The following SORCS2 variants were observed in gnomAD, a reference collection of about 807,000 sequenced individuals.
SORCS2 encodes VPS10 domain-containing receptor SorCS2.
SORCS2 carries 100 observed loss-of-function variants against 141.6 expected under a neutral mutation model. The ratio of observed to expected loss-of-function variants is 0.71; its 90% CI spans 0.60 to 0.83. SORCS2 has a LOEUF of 0.83. Ranked by LOEUF, SORCS2 falls within the 40% of genes least tolerant of loss-of-function variation. The probability of loss-of-function intolerance (pLI) is 0.00; values close to 1 mark genes in which losing one functional copy is unlikely to be tolerated. For synonymous variants in SORCS2, 789 were observed against 676.9 expected, an observed-to-expected ratio of 1.17 and a Z score of -2.57; for missense variants, 1,646 against 1,560.2, an observed-to-expected ratio of 1.05 and a Z score of -0.93.
intron 3 of SORCS2, among the ~76,000 whole-genome samples, chr4:7,587,226 A>G (rs1166057012): frequency 6.6e-6 from 1 of 152,020 alleles, no homozygotes; most frequent in African/African-American, 2.4e-5. Flanking sequence ...TAGAAGAGGA[A>G]GAGAGTTGAG....
intron 1 of SORCS2, among the ~76,000 whole-genome samples, chr4:7,252,012 G>A (rs1713537559): frequency 6.6e-6 from 1 of 152,166 alleles, no homozygotes; most frequent in Admixed American, 6.5e-5. Context: ...TCCTCTAAAC[G>A]TATGGTGCCA....
intron 1 of SORCS2, among the ~76,000 whole-genome samples, chr4:7,343,120 AG>A (rs960723784): frequency 1.2e-3 from 179 of 152,360 alleles, no homozygotes; most frequent in African/African-American, 4.1e-3. Context: ...GCACGGCAAC[AG>A]GAGCATTAGG....
At chr4:7,626,555 A>G (rs925903571) in intron 3 of SORCS2, among the ~76,000 whole-genome samples, 8 of 152,226 alleles carry the variant, frequency 5.3e-5, no homozygotes, top group Admixed American at 3.9e-4. Context: ...ATTCCTACAT[A>G]TGTACATCTC....
chr4:7,736,830 G>A (rs537071729), intron 25 of SORCS2, among the ~76,000 whole-genome samples: 3 of 152,306 alleles, frequency 2.0e-5, no homozygotes, highest in Admixed American at 6.5e-5. Flanking sequence ...CACCCAATGT[G>A]TCAGGGCAGA....
At chr4:7,700,737 G>A (rs1486053385) in intron 12 of SORCS2, among the ~76,000 whole-genome samples, 2 of 152,316 alleles carry the variant, frequency 1.3e-5, no homozygotes, top group African/African-American at 4.8e-5. Flanking sequence ...CGTGAACCTC[G>A]GAGGGAGCAC....
intron 2 of SORCS2, among the ~76,000 whole-genome samples, chr4:7,435,429 C>T (rs546743324): frequency 1.2e-4 from 19 of 152,380 alleles, no homozygotes; most frequent in Admixed American, 1.0e-3. Context: ...CTCAGGGCCA[C>T]GTGCCCAGCT....
At chr4:7,640,606 A>C (rs928321607) in intron 4 of SORCS2, among the ~76,000 whole-genome samples, 1 of 151,714 alleles carries the variant, frequency 6.6e-6, no homozygotes, top group African/African-American at 2.4e-5. Context: ...CCACACAGAT[A>C]GCCTGGGGTG....
chr4:7,641,922 A>G (rs1313646585), intron 4 of SORCS2, among the ~76,000 whole-genome samples: 1 of 97,824 alleles, frequency 1.0e-5, no homozygotes, highest in Non-Finnish European at 2.4e-5. Flanking sequence ...GTGTGGACAG[A>G]TGGATGGATA....
intron 2 of SORCS2, among the ~76,000 whole-genome samples, chr4:7,444,927 TGGACGATGAACC>T (rs1414359683): frequency 2.0e-5 from 3 of 152,200 alleles, no homozygotes; most frequent in East Asian, 3.9e-4. Flanking sequence ...CTGGGCCACT[TGGACGATGAACC>T]GGAGGAGGCG....
chr4:7,599,658 G>A (rs1176747353), intron 3 of SORCS2, among the ~76,000 whole-genome samples: 1 of 152,124 alleles, frequency 6.6e-6, no homozygotes, highest in African/African-American at 2.4e-5. Context: ...TTCTGGCACA[G>A]CGGGGGCAGG....
At chr4:7,217,683 C>T (rs2108755281) in intron 1 of SORCS2, among the ~76,000 whole-genome samples, 1 of 152,288 alleles carries the variant, frequency 6.6e-6, no homozygotes, top group East Asian at 1.9e-4. Context: ...TTCGGCTCTC[C>T]TTGACTCGTT....
At chr4:7,358,534 C>T (rs909610810) in intron 1 of SORCS2, among the ~76,000 whole-genome samples, 5 of 152,218 alleles carry the variant, frequency 3.3e-5, no homozygotes, top group South Asian at 2.1e-4. Flanking sequence ...GATGCATTCC[C>T]GTCCCAGATG....
chr4:7,688,612 T>G (rs956593736), intron 10 of SORCS2, among the ~76,000 whole-genome samples: 1 of 152,168 alleles, frequency 6.6e-6, no homozygotes, highest in African/African-American at 2.4e-5. Context: ...AAGGCCACAC[T>G]GCCATTTAGA....
chr4:7,542,787 C>T (rs549245549), intron 3 of SORCS2, among the ~76,000 whole-genome samples: 60 of 152,326 alleles, frequency 3.9e-4, no homozygotes, highest in African/African-American at 1.4e-3. Context: ...ATGGGGAGGC[C>T]AAGGCTCACA....
intron 1 of SORCS2, among the ~76,000 whole-genome samples, chr4:7,293,365 G>T (rs1473591574): frequency 1.3e-5 from 2 of 151,204 alleles, no homozygotes; most frequent in Non-Finnish European, 2.9e-5. Context: ...TCCCCTGACC[G>T]ACTTCTCTCT....
chr4:7,314,090 G>T (rs914899381), intron 1 of SORCS2, among the ~76,000 whole-genome samples: 2 of 152,242 alleles, frequency 1.3e-5, no homozygotes, highest in African/African-American at 4.8e-5. Context: ...GGTGCTTCCA[G>T]CAGCACATCT....
chr4:7,391,205 C>T (rs1450669768), intron 1 of SORCS2, among the ~76,000 whole-genome samples: 1 of 152,234 alleles, frequency 6.6e-6, no homozygotes, highest in Admixed American at 6.5e-5. Flanking sequence ...ACAGCATTGA[C>T]CTCCCAGTTC....
chr4:7,532,461 G>A (rs921890680), intron 3 of SORCS2, among the ~76,000 whole-genome samples: 10 of 152,260 alleles, frequency 6.6e-5, no homozygotes, highest in Non-Finnish European at 1.3e-4. Context: ...ACAGGCCCCT[G>A]TGCTCAGCTC....
chr4:7,594,464 C>T (rs1010462882), intron 3 of SORCS2, among the ~76,000 whole-genome samples: 9 of 152,198 alleles, frequency 5.9e-5, no homozygotes, highest in South Asian at 2.1e-4. Flanking sequence ...CTGGAAGCCC[C>T]GGGTGGGCCT....
Sources: allele counts gnomAD v4.1 joint callset (sites outside exome capture counted in the v4.1 genomes callset), GRCh38; gene constraint gnomAD v4.1.1; transcripts MANE v1.5; gene names NCBI Gene and HGNC (gene_info 2026-07-23, HGNC 2026-07-21).